The following SGCZ variants were observed in gnomAD, a reference collection of about 807,000 sequenced individuals.
SGCZ encodes sarcoglycan zeta, also known as zeta-sarcoglycan.
SGCZ carries 40 observed loss-of-function variants against 41.3 expected under a neutral mutation model. The observed-to-expected ratio is 0.97, with a 90% confidence interval of 0.75 to 1.26. The LOEUF is 1.26. Among genes scored for constraint, SGCZ ranks in the 50% most tolerant of loss-of-function variants. SGCZ has a pLI of 0.00. For missense variants in SGCZ, 552 were observed against 369.8 expected (o/e 1.49, Z -4.04); for synonymous variants, 206 against 137.5 (o/e 1.50, Z -3.49).
chr8:14,375,113 G>C (rs1804066254), intron 2 of SGCZ, among the ~76,000 whole-genome samples: 1 of 100,730 alleles, frequency 9.9e-6, no homozygotes, highest in African/African-American at 2.7e-5. Context: ...TAGATAGATA[G>C]ACAGACAGAC....
intron 1 of SGCZ, among the ~76,000 whole-genome samples, chr8:14,771,953 CATAT>C (rs1478809881): frequency 6.6e-6 from 1 of 152,014 alleles, no homozygotes; most frequent in African/African-American, 2.4e-5. Flanking sequence ...TATTTGATTT[CATAT>C]ATAGTCAGTC....
intron 1 of SGCZ, among the ~76,000 whole-genome samples, chr8:14,638,056 C>A (rs1323409181): frequency 2.0e-5 from 3 of 151,852 alleles, no homozygotes; most frequent in Non-Finnish European, 4.4e-5. Context: ...TTGTATTTCT[C>A]TGACGATCAG....
chr8:14,640,379 C>G (rs1230082526), intron 1 of SGCZ, among the ~76,000 whole-genome samples: 1 of 151,606 alleles, frequency 6.6e-6, no homozygotes, highest in African/African-American at 2.4e-5. Flanking sequence ...TTCTAGTTCC[C>G]ATTCCCATTA....
At chr8:14,093,414 C>T (rs769573443) in intron 7 of SGCZ, among the ~76,000 whole-genome samples, 1 of 152,060 alleles carries the variant, frequency 6.6e-6, no homozygotes, top group African/African-American at 2.4e-5. Context: ...TTTCCATGGC[C>T]CAAAGGCCCT....
intron 1 of SGCZ, among the ~76,000 whole-genome samples, chr8:15,232,787 GTGTGTATACATATATACA>G: frequency 8.4e-6 from 1 of 119,456 alleles, no homozygotes; most frequent in East Asian, 2.8e-4. Flanking sequence ...ACATATATAT[GTGTGTATACATATATACA>G]CACATATATA....
chr8:14,836,377 C>T (rs866715785), intron 1 of SGCZ, among the ~76,000 whole-genome samples: 40 of 152,202 alleles, frequency 2.6e-4, no homozygotes, highest in Admixed American at 1.9e-3. Flanking sequence ...TTATTAAATC[C>T]TCAATACTCT....
intron 1 of SGCZ, among the ~76,000 whole-genome samples, chr8:14,702,831 A>AGATAGATAGATAGATAGATAGATAGAT (rs1809195900): frequency 1.2e-5 from 1 of 81,058 alleles, no homozygotes; most frequent in African/African-American, 4.0e-5. Flanking sequence ...ATAGATAGAT[A>AGATAGATAGATAGATAGATAGATAGAT]GATAGATAGA....
chr8:14,455,075 C>G (rs73519317), intron 2 of SGCZ, among the ~76,000 whole-genome samples: 9,512 of 152,024 alleles, frequency 0.063, 982 homozygotes, highest in African/African-American at 0.22. Flanking sequence ...ACCACAAGAG[C>G]AGTCAGAAAT....
chr8:14,283,951 ATTTCC>A (rs764319264), intron 3 of SGCZ, among the ~76,000 whole-genome samples: 3 of 152,110 alleles, frequency 2.0e-5, no homozygotes, highest in African/African-American at 4.8e-5. Context: ...CTTATTGGAT[ATTTCC>A]TTTCATTTCT....
intron 1 of SGCZ, among the ~76,000 whole-genome samples, chr8:14,871,308 A>C (rs572022291): frequency 1.2e-4 from 19 of 152,250 alleles, no homozygotes; most frequent in African/African-American, 4.1e-4. Flanking sequence ...TATTTCAACC[A>C]CTGTGAAAGA....
At chr8:14,648,907 A>T (rs1304803470) in intron 1 of SGCZ, among the ~76,000 whole-genome samples, 1 of 152,128 alleles carries the variant, frequency 6.6e-6, no homozygotes, top group East Asian at 1.9e-4. Context: ...GCCATCTGAA[A>T]GAATAAATTG....
At chr8:14,222,480 T>C (rs1464078061) in intron 4 of SGCZ, among the ~76,000 whole-genome samples, 1 of 151,942 alleles carries the variant, frequency 6.6e-6, no homozygotes, top group African/African-American at 2.4e-5. Flanking sequence ...TTCAGTTTTG[T>C]TTTAGGGGGT....
intron 1 of SGCZ, among the ~76,000 whole-genome samples, chr8:14,662,954 A>G (rs1807802566): frequency 6.6e-6 from 1 of 152,122 alleles, no homozygotes; most frequent in Non-Finnish European, 1.5e-5. Context: ...CAGCAAGAAA[A>G]CCGGAATCTC....
rs140045944 is a variant in SGCZ at position 14,896,296 on chromosome 8, G to C, written c.39+341289C>G. 2.2e-3 allele frequency among the ~76,000 whole-genome samples: 328 copies of C among 152,266 alleles called. 1 individual carries two copies. Among genetic ancestry groups the C allele is most frequent in the African/African-American group, 7.6e-3 (317 of 41,564 alleles). Reference sequence around the variant, plus strand: ...TTCAAATGAAAGATATCTGGGGAAAGAAGGTGTGCAAGATCCTCTCTCTTA... The same window carrying C: ...TTCAAATGAAAGATATCTGGGGAAACAAGGTGTGCAAGATCCTCTCTCTTA... On this transcript the variant is annotated intron_variant, in intron 1 of 7. Transcript: ENST00000382080.
At chr8:14,518,084 A>G (rs1054151380) in intron 2 of SGCZ, among the ~76,000 whole-genome samples, 1 of 151,890 alleles carries the variant, frequency 6.6e-6, no homozygotes, top group Non-Finnish European at 1.5e-5. Flanking sequence ...ATGAAAGTGC[A>G]TAGTCTACAG....
chr8:14,847,125 GA>G (rs1165657791), intron 1 of SGCZ, among the ~76,000 whole-genome samples: 127 of 61,752 alleles, frequency 2.1e-3, no homozygotes, highest in East Asian at 4.7e-3. Context: ...AGAAGAAGAA[GA>G]AAGAAGAAGA....
At chr8:15,026,326 T>C (rs533346003) in intron 1 of SGCZ, among the ~76,000 whole-genome samples, 2 of 152,308 alleles carry the variant, frequency 1.3e-5, no homozygotes, top group African/African-American at 4.8e-5. Context: ...TACAAAGTTA[T>C]ATTTGTTTTC....
chr8:15,188,336 T>C (rs1040384362), intron 1 of SGCZ, among the ~76,000 whole-genome samples: 2 of 152,134 alleles, frequency 1.3e-5, no homozygotes, highest in Admixed American at 6.5e-5. Context: ...ACTTGAGGAA[T>C]TGTCCTGTAT....
chr8:15,233,507 A>C (rs1411436365), intron 1 of SGCZ, among the ~76,000 whole-genome samples: 1 of 151,884 alleles, frequency 6.6e-6, no homozygotes, highest in Non-Finnish European at 1.5e-5. Flanking sequence ...TTTCTCACCC[A>C]TATAATACTT....
Sources: gnomAD v4.1 joint callset for allele counts (sites outside exome capture counted in the v4.1 genomes callset) on GRCh38, gnomAD v4.1.1 for gene constraint, MANE v1.5 for transcripts, NCBI Gene and HGNC (gene_info 2026-07-23, HGNC 2026-07-21) for gene names.